Variants in GRIK1 observed in about 807,000 individuals in gnomAD.
GRIK1 encodes glutamate ionotropic receptor kainate type subunit 1.
A neutral mutation model predicts 105.7 loss-of-function variants in GRIK1; 69 were observed. That is an observed-to-expected ratio of 0.65 (90% CI 0.54 to 0.80). GRIK1 has a LOEUF of 0.80. Among genes scored for constraint, GRIK1 ranks in the 30% least tolerant of loss-of-function variants. GRIK1 has a pLI of 0.00. For synonymous variants in GRIK1, 438 were observed against 431.3 expected (o/e 1.02, Z -0.19); for missense variants, 1,109 against 1,167.3 (o/e 0.95, Z 0.73).
chr21:29,679,730 C>T (rs201200104), intron 3 of GRIK1, among the ~76,000 whole-genome samples: 1 of 152,178 alleles, frequency 6.6e-6, no homozygotes. Flanking sequence ...AACCTCTACT[C>T]CCTCAGGATA....
intron 3 of GRIK1, among the ~76,000 whole-genome samples, chr21:29,677,700 C>A (rs2063298784): frequency 6.6e-6 from 1 of 152,084 alleles, no homozygotes; most frequent in South Asian, 2.1e-4. Flanking sequence ...CTGCTCCATG[C>A]CTTATAAATA....
intron 1 of GRIK1, among the ~76,000 whole-genome samples, chr21:29,823,820 T>C (rs1444641436): frequency 6.6e-6 from 1 of 152,030 alleles, no homozygotes; most frequent in African/African-American, 2.4e-5. Flanking sequence ...TCCTTTGGCT[T>C]TTCAAAGCTT....
rs540559776 is a variant in GRIK1 at position 29,674,533 on chromosome 21, C to CG, written c.545-1370dup. On this transcript the variant is annotated intron_variant, in intron 3 of 17. Coordinates refer to ENST00000327783, the MANE Select transcript of GRIK1 (RefSeq NM_001330994.2). ...ATCCCGAATTGTAATCCCCATGTGT[C>CG]GGGGGGGAACTTGGTGGGAGGTGAT... Among the ~76,000 whole-genome samples the CG allele has an allele frequency of 6.8e-4, 104 of 151,868 alleles. 4 individuals are homozygous for CG. In the East Asian group the frequency reaches 0.014, roughly 20 times the overall value.
intron 3 of GRIK1, among the ~76,000 whole-genome samples, chr21:29,677,713 G>A (rs530327678): frequency 6.6e-6 from 1 of 152,174 alleles, no homozygotes; most frequent in East Asian, 1.9e-4. Context: ...TATAAATAGC[G>A]AAATAAACCT....
At chr21:29,832,762 A>AT (rs1041885972) in intron 1 of GRIK1, among the ~76,000 whole-genome samples, 2 of 152,038 alleles carry the variant, frequency 1.3e-5, no homozygotes, top group Non-Finnish European at 2.9e-5. Context: ...CCTTCAAGGC[A>AT]TTTTTTCCCA....
intron 1 of GRIK1, among the ~76,000 whole-genome samples, chr21:29,827,622 G>T (rs111273415): frequency 6.6e-6 from 1 of 151,936 alleles, no homozygotes; most frequent in Non-Finnish European, 1.5e-5. Flanking sequence ...AACGTAAAAA[G>T]ACTTTAATGG....
At chr21:29,764,155 T>C (rs2065598783) in intron 1 of GRIK1, among the ~76,000 whole-genome samples, 1 of 152,110 alleles carries the variant, frequency 6.6e-6, no homozygotes, top group Non-Finnish European at 1.5e-5. Flanking sequence ...GAGGACCACA[T>C]TGGGTGCCTG....
At chr21:29,827,630 T>A (rs144830921) in intron 1 of GRIK1, among the ~76,000 whole-genome samples, 1 of 151,960 alleles carries the variant, frequency 6.6e-6, no homozygotes, top group Non-Finnish European at 1.5e-5. Context: ...AAGACTTTAA[T>A]GGATCTACCA....
chr21:29,690,036 GAGAGAAAA>G, intron 2 of GRIK1, 51 bp from the exon 3 acceptor site: 1 of 1,351,044 alleles, frequency 7.4e-7, no homozygotes, highest in Non-Finnish European at 1.0e-6. Context: ...GGGAAAGGGG[GAGAGAAAA>G]AGAGAGTTCT....
At chr21:29,913,115 A>G (rs1156755014) in intron 1 of GRIK1, among the ~76,000 whole-genome samples, 2 of 151,972 alleles carry the variant, frequency 1.3e-5, no homozygotes, top group Non-Finnish European at 2.9e-5. Context: ...TCAACATTGA[A>G]TTCCAGTCCA....
chr21:29,814,710 A>G (rs552893444), intron 1 of GRIK1, among the ~76,000 whole-genome samples: 12 of 152,328 alleles, frequency 7.9e-5, no homozygotes, highest in Admixed American at 2.6e-4. Flanking sequence ...ACAGAAATTC[A>G]TCTTTAAATC....
chr21:29,915,714 A>C (rs2070972633), intron 1 of GRIK1, among the ~76,000 whole-genome samples: 2 of 152,026 alleles, frequency 1.3e-5, no homozygotes, highest in Non-Finnish European at 1.5e-5. Context: ...ACAGTTCCAC[A>C]GAAGCTTATA....
intron 9 of GRIK1, among the ~76,000 whole-genome samples, chr21:29,591,427 G>A (rs1213899189): frequency 6.8e-6 from 1 of 147,772 alleles, no homozygotes; most frequent in African/African-American, 2.6e-5. Flanking sequence ...CTGTGCTATT[G>A]GGGGCAGGGT....
chr21:29,765,540 T>C (rs1377616051), intron 1 of GRIK1, among the ~76,000 whole-genome samples: 1 of 152,172 alleles, frequency 6.6e-6, no homozygotes, highest in Non-Finnish European at 1.5e-5. Context: ...AATTCTTTTC[T>C]TTCTAGCCCT....
intron 1 of GRIK1, among the ~76,000 whole-genome samples, chr21:29,937,902 G>A (rs2071825410): frequency 6.6e-6 from 1 of 151,612 alleles, no homozygotes; most frequent in Admixed American, 6.6e-5. Context: ...GTTATGTATA[G>A]TAGTAAGTTT....
intron 1 of GRIK1, among the ~76,000 whole-genome samples, chr21:29,773,747 G>A (rs113458213): frequency 0.042 from 6,464 of 152,142 alleles, 193 homozygotes; most frequent in Non-Finnish European, 0.066. Context: ...ATGTGTACAG[G>A]GCAAAGGGAT....
At chr21:29,837,155 T>C (rs1404189446) in intron 1 of GRIK1, among the ~76,000 whole-genome samples, 1 of 152,210 alleles carries the variant, frequency 6.6e-6, no homozygotes, top group African/African-American at 2.4e-5. Flanking sequence ...TAATTCAAAA[T>C]TAATCTTTTC....
intron 1 of GRIK1, among the ~76,000 whole-genome samples, chr21:29,778,405 C>T (rs1194396478): frequency 6.6e-6 from 1 of 152,162 alleles, no homozygotes; most frequent in African/African-American, 2.4e-5. Flanking sequence ...AAGCAAGATT[C>T]TAGCGCAGTT....
intron 1 of GRIK1, among the ~76,000 whole-genome samples, chr21:29,874,770 ATG>A (rs1341730990): frequency 1.3e-5 from 2 of 152,182 alleles, no homozygotes; most frequent in African/African-American, 4.8e-5. Context: ...GGGAGGTTGA[ATG>A]TGAGAGACAG....
Sources: gnomAD v4.1 joint callset for allele counts (sites outside exome capture counted in the v4.1 genomes callset) on GRCh38, gnomAD v4.1.1 for gene constraint, MANE v1.5 for transcripts, NCBI Gene and HGNC (gene_info 2026-07-23, HGNC 2026-07-21) for gene names.